Variants in MON2 observed in about 807,000 individuals in gnomAD.
The protein encoded by MON2 is MON2 regulator of endosome-to-Golgi trafficking, also known as protein MON2 homolog.
A neutral mutation model predicts 208.6 loss-of-function variants in MON2; 84 were observed. The observed-to-expected ratio is 0.40, with a 90% confidence interval of 0.34 to 0.48. The LOEUF (loss-of-function observed/expected upper bound fraction) is 0.48. MON2 is among the 20% of genes least tolerant of loss of function. The probability of loss-of-function intolerance (pLI) is 0.59; values close to 1 mark genes in which losing one functional copy is unlikely to be tolerated. For synonymous variants in MON2, 660 were observed against 694.0 expected, an observed-to-expected ratio of 0.95 and a Z score of 0.77; for missense variants, 1,611 against 2,015.4, an observed-to-expected ratio of 0.80 and a Z score of 3.84.
chr12:62,541,067 G>A (rs2073209333), intron 19 of MON2, among the ~76,000 whole-genome samples: 1 of 152,172 alleles, frequency 6.6e-6, no homozygotes, highest in Admixed American at 6.5e-5. Flanking sequence ...TTGTGCCAAT[G>A]TGTTGAGGAA....
intron 8 of MON2, 144 bp downstream of exon 8, chr12:62,508,624 A>C: frequency 1.5e-6 from 1 of 648,476 alleles, no homozygotes; most frequent in Non-Finnish European, 2.7e-6. Flanking sequence ...TAGGTACTCT[A>C]AAGGTTTGTT....
chr12:62,592,939 G>A lies in MON2; in HGVS notation c.*190G>A, dbSNP rs2075442136. 2.0e-6 allele frequency: 1 copy of A among 501,280 alleles called. No homozygotes were observed. The highest frequency in any genetic ancestry group is 3.1e-5 in the Admixed American group (1 of 31,752). The allele number at this position is 501,280 out of a possible 1,614,324, so 31.1% of individuals were successfully genotyped here. On this transcript the variant is annotated 3_prime_UTR_variant, in exon 35 of 35. Transcript: ENST00000393630. ...TGCACATCAACAAAGGCTCCTGAAT[G>A]AACAGCAGTGTAAGGCTTTAATAAA...
intron 8 of MON2, 108 bp downstream of exon 8, chr12:62,508,588 A>AT: frequency 1.0e-6 from 1 of 957,944 alleles, no homozygotes; most frequent in African/African-American, 1.6e-5. Context: ...GTTCAACAGA[A>AT]TTTTTTTGAG....
chr12:62,522,265 A>T (rs1344528993), intron 8 of MON2, among the ~76,000 whole-genome samples: 1 of 152,160 alleles, frequency 6.6e-6, no homozygotes, highest in Admixed American at 6.5e-5. Flanking sequence ...AATGAGGCTA[A>T]ATTGCCTTGT....
At chr12:62,539,845 C>T (rs368956907) in intron 19 of MON2, among the ~76,000 whole-genome samples, 6 of 151,860 alleles carry the variant, frequency 4.0e-5, no homozygotes, top group Non-Finnish European at 7.4e-5. Flanking sequence ...GGTGAAACCC[C>T]GTCTCTACTA....
chr12:62,568,484 G>T (rs566702538), intron 29 of MON2, among the ~76,000 whole-genome samples: 41 of 151,226 alleles, frequency 2.7e-4, no homozygotes, highest in Non-Finnish European at 5.3e-4. Flanking sequence ...GACTACAGGT[G>T]GGCACCACCA....
At chr12:62,498,274 G>A (rs2070644044) in intron 4 of MON2, among the ~76,000 whole-genome samples, 1 of 152,118 alleles carries the variant, frequency 6.6e-6, no homozygotes, top group African/African-American at 2.4e-5. Context: ...AAAAATCATA[G>A]AAAATGTCCA....
At chr12:62,468,765 G>A (rs2068636891) in intron 1 of MON2, among the ~76,000 whole-genome samples, 1 of 152,132 alleles carries the variant, frequency 6.6e-6, no homozygotes, top group Non-Finnish European at 1.5e-5. Flanking sequence ...GAATTTTAAA[G>A]AATTAAGTTG....
intron 8 of MON2, among the ~76,000 whole-genome samples, chr12:62,520,188 C>T (rs1352581293): frequency 2.0e-5 from 3 of 152,198 alleles, no homozygotes; most frequent in Non-Finnish European, 4.4e-5. Context: ...ATTGGTCTTA[C>T]ATTTCAAATG....
intron 7 of MON2, 107 bp downstream of exon 7, chr12:62,501,805 G>A (rs1450787252): frequency 1.6e-6 from 2 of 1,247,766 alleles, no homozygotes; most frequent in Admixed American, 2.0e-5. Context: ...TGGCAAAGAG[G>A]CCAGAGTTGG....
intron 24 of MON2, 47 bp from the exon 25 acceptor site, chr12:62,555,947 A>T: frequency 2.2e-6 from 3 of 1,374,118 alleles, no homozygotes; most frequent in Non-Finnish European, 3.0e-6. Flanking sequence ...CTATTACTTA[A>T]GCTATATTAT....
At chr12:62,539,095 T>G (rs1211296838) in intron 19 of MON2, among the ~76,000 whole-genome samples, 1 of 152,186 alleles carries the variant, frequency 6.6e-6, no homozygotes, top group African/African-American at 2.4e-5. Flanking sequence ...GTTGTATTTA[T>G]TTATATGTTA....
chr12:62,538,166 G>A lies in MON2; in HGVS notation c.2189G>A (p.Gly730Glu). ...GALKPGRAVE[G>E]PSTVLTTAVM... ...TTGAAACCTGGGAGAGCTGTAGAAG[G>A]ACCCAGTACAGTAAGCTCTAGTCTT... The change falls in exon 17 of 35, where the codon GGA (glycine) becomes GAA (glutamate). Residue 730 changes from glycine (G) to glutamate (E), a missense_variant. Gly to Glu is a moderately conservative substitution (Grantham distance 98). Transcript: ENST00000393630. The A allele has an allele frequency of 6.2e-7, 1 of 1,613,636 alleles. No individual in the cohort carries two copies. The highest frequency in any genetic ancestry group is 8.5e-7 in the Non-Finnish European group (1 of 1,179,726).
rs997096609 is a variant in MON2, at chr12:62,535,034, T to C, written c.1715+108T>C. 1.1e-5 allele frequency: 9 copies of C among 819,494 alleles called. No homozygotes were observed. In the African/African-American group the frequency reaches 1.4e-4, roughly 13 times the overall value. 50.8% of individuals were successfully genotyped at this position (819,494 alleles called of 1,614,324 possible). A position where few individuals can be genotyped will look rare whatever the true frequency, so the allele number is the denominator to read the frequency against. On this transcript the variant is annotated intron_variant, in intron 13 of 34. Transcript: ENST00000393630. ...GAATTATTTTCTAATATTAGTTTTTTATATGTGTGAAACATTATTCTTTTT... is the reference window on the plus strand; with the variant it reads ...GAATTATTTTCTAATATTAGTTTTTCATATGTGTGAAACATTATTCTTTTT...
rs770593082 is a variant in MON2 at position 62,580,426 on chromosome 12, T to TAA, written c.4699+6_4699+7insAA. On this transcript the variant is annotated splice_region_variant and intron_variant, in intron 32 of 34. Transcript: ENST00000393630. Reference sequence around the variant, plus strand: ...TCAGTCATCTTCATTTACAGGTATGTTAATTTTTTTAAGTATTAAAAAGTA... The same window carrying TAA: ...TCAGTCATCTTCATTTACAGGTATGTAATAATTTTTTTAAGTATTAAAAAGTA... 7 of 1,582,132 alleles carry TAA rather than the reference T, an allele frequency of 4.4e-6. No individual in the cohort carries two copies. The highest frequency in any genetic ancestry group is 6.0e-6 in the Non-Finnish European group (7 of 1,158,002).
chr12:62,538,897 G>A (rs1458588332), intron 19 of MON2, among the ~76,000 whole-genome samples: 1 of 152,050 alleles, frequency 6.6e-6, no homozygotes, highest in Non-Finnish European at 1.5e-5. Flanking sequence ...CTTTCATTGG[G>A]ATGGAAAGTA....
At chr12:62,503,202 A>T (rs1239807587) in intron 7 of MON2, among the ~76,000 whole-genome samples, 1 of 152,218 alleles carries the variant, frequency 6.6e-6, no homozygotes, top group African/African-American at 2.4e-5. Flanking sequence ...CACATGAGGA[A>T]ACTACAACAT....
chr12:62,518,698 C>G (rs983649076), intron 8 of MON2, among the ~76,000 whole-genome samples: 1 of 152,140 alleles, frequency 6.6e-6, no homozygotes, highest in Non-Finnish European at 1.5e-5. Context: ...AAGTTACTGC[C>G]TAAAGGAAGA....
At chr12:62,520,438 T>A (rs2071963454) in intron 8 of MON2, among the ~76,000 whole-genome samples, 1 of 152,172 alleles carries the variant, frequency 6.6e-6, no homozygotes, top group Non-Finnish European at 1.5e-5. Context: ...GCGTACTTTA[T>A]TTTTGAGAAA....
Sources: gnomAD v4.1 joint callset for allele counts (sites outside exome capture counted in the v4.1 genomes callset) on GRCh38, gnomAD v4.1.1 for gene constraint, MANE v1.5 for transcripts, NCBI Gene and HGNC (gene_info 2026-07-23, HGNC 2026-07-21) for gene names.